ZFYVE28: variants seen among roughly 807,000 people sequenced by gnomAD.
ZFYVE28 encodes the protein lateral signaling target protein 2 homolog.
ZFYVE28 carries 40 observed loss-of-function variants against 82.1 expected under a neutral mutation model. That is an observed-to-expected ratio of 0.49 (90% CI 0.38 to 0.63). ZFYVE28 has a LOEUF of 0.63. Among genes scored for constraint, ZFYVE28 ranks in the 30% least tolerant of loss-of-function variants. The probability of loss-of-function intolerance (pLI) is 0.00; values close to 1 mark genes in which losing one functional copy is unlikely to be tolerated. For synonymous variants in ZFYVE28, 612 were observed against 546.1 expected, an observed-to-expected ratio of 1.12 and a Z score of -1.68; for missense variants, 1,321 against 1,242.1, an observed-to-expected ratio of 1.06 and a Z score of -0.96.
rs758773685 is a variant in ZFYVE28 at position 2,271,788 on chromosome 4, G to A, written c.2324-9C>T. On this transcript the variant is annotated splice_polypyrimidine_tract_variant and intron_variant, in intron 10 of 12. Coordinates refer to ENST00000290974, the MANE Select transcript of ZFYVE28 (RefSeq NM_020972.3). ...CCGCAGAGTCTGGGTGACTAGTGGAGAAGGGGGGCCGTCGGGGTATGGTGA... is the reference window on the plus strand; with the variant it reads ...CCGCAGAGTCTGGGTGACTAGTGGAAAAGGGGGGCCGTCGGGGTATGGTGA... The A allele has an allele frequency of 8.7e-6, 14 of 1,612,470 alleles. 1 individual carries two copies. The South Asian group carries it at 1.5e-4, about 18-fold the overall frequency.
chr4:2,274,002 C>T, intron 9 of ZFYVE28, 60 bp downstream of exon 9: 1 of 1,587,098 alleles, frequency 6.3e-7, no homozygotes, highest in Non-Finnish European at 8.6e-7. Context: ...CCTGACCTCC[C>T]CTAAAGCGCA....
intron 6 of ZFYVE28, among the ~76,000 whole-genome samples, chr4:2,322,084 G>A (rs552799882): frequency 1.3e-4 from 20 of 152,350 alleles, no homozygotes; most frequent in African/African-American, 2.9e-4. Flanking sequence ...ACGCAGGGCC[G>A]TGCACTCCAC....
chr4:2,383,932 A>C (rs979435354), intron 1 of ZFYVE28, among the ~76,000 whole-genome samples: 1 of 152,208 alleles, frequency 6.6e-6, no homozygotes, highest in Admixed American at 6.5e-5. Flanking sequence ...GTCGTCACAC[A>C]GGGTCATCAC....
At chr4:2,398,390 G>A (rs1418118940) in intron 1 of ZFYVE28, among the ~76,000 whole-genome samples, 1 of 152,258 alleles carries the variant, frequency 6.6e-6, no homozygotes, top group East Asian at 1.9e-4. Context: ...GAGCTACGGA[G>A]TGGCAGCTCG....
rs770241856 is a variant in ZFYVE28, at chr4:2,320,166, C to G, written c.803+4G>C. On this transcript the variant is annotated splice_donor_region_variant and intron_variant, in intron 7 of 12. Coordinates refer to ENST00000290974, the MANE Select transcript of ZFYVE28 (RefSeq NM_020972.3). The surrounding 1 kb of genome is among the most constrained non-coding windows in gnomAD (Gnocchi z 5.1). ...TCCCCCACCTCCTCTAGCTCCATCC[C>G]CACCTTATTTTCCGCAGCAACGTGT... 4 of 1,613,844 alleles carry G rather than the reference C, an allele frequency of 2.5e-6. No individual in the cohort carries two copies. In the African/African-American group the frequency reaches 4.0e-5, roughly 16 times the overall value.
At chr4:2,401,160 T>C (rs1195100496) in intron 1 of ZFYVE28, among the ~76,000 whole-genome samples, 3 of 152,132 alleles carry the variant, frequency 2.0e-5, no homozygotes, top group Non-Finnish European at 4.4e-5. Flanking sequence ...GGGAAACATT[T>C]GCTCCATGGA....
intron 6 of ZFYVE28, among the ~76,000 whole-genome samples, chr4:2,334,389 G>A (rs1033157113): frequency 1.3e-5 from 2 of 151,938 alleles, no homozygotes; most frequent in African/African-American, 4.8e-5. Context: ...GCGCATCCTG[G>A]GGTTAAGCAC....
rs576415570 is a variant in ZFYVE28, at chr4:2,400,425, A to T, written c.39+17860T>A. Among the ~76,000 whole-genome samples the T allele has an allele frequency of 3.3e-4, 15 of 44,840 alleles. No homozygotes were observed. The East Asian group carries it at 0.011, about 33-fold the overall frequency. 29.4% of individuals were successfully genotyped at this position (44,840 alleles called of 152,430 possible). Reference sequence around the variant, plus strand: ...CAGTCTCGGCCCCTAAAATACAGGCATCTGTCCCACCGCAATTCGACAGTA... The same window carrying T: ...CAGTCTCGGCCCCTAAAATACAGGCTTCTGTCCCACCGCAATTCGACAGTA... On this transcript the variant is annotated intron_variant, in intron 1 of 12. Coordinates refer to ENST00000290974, the MANE Select transcript of ZFYVE28 (RefSeq NM_020972.3).
chr4:2,290,601 C>T (rs1420045699), intron 8 of ZFYVE28, among the ~76,000 whole-genome samples: 2 of 152,214 alleles, frequency 1.3e-5, no homozygotes, highest in South Asian at 2.1e-4. Flanking sequence ...ACCACACCTG[C>T]CCCCTGGCCC....
chr4:2,331,263 G>A (rs11248097), intron 6 of ZFYVE28, among the ~76,000 whole-genome samples: 84,813 of 151,612 alleles, frequency 0.56, 24,625 homozygotes, highest in East Asian at 0.83. Flanking sequence ...GCAGCGAGGC[G>A]GGCAGGCAGG....
intron 8 of ZFYVE28, among the ~76,000 whole-genome samples, chr4:2,303,098 G>A (rs1010770101): frequency 5.3e-5 from 8 of 152,176 alleles, no homozygotes; most frequent in African/African-American, 1.9e-4. Flanking sequence ...GGAGTGGGGA[G>A]GGACACCGGG....
Position 2,271,404 on chromosome 4 carries a change from C to T in ZFYVE28, c.2439G>A (p.Glu813=), listed in dbSNP as rs1367799453. 6.2e-7 allele frequency: 1 copy of T among 1,612,818 alleles called. No individual in the cohort carries two copies. The highest frequency in any genetic ancestry group is 8.5e-7 in the Non-Finnish European group (1 of 1,179,856). Residue 813 remains glutamate (E), a synonymous_variant, in exon 12 of 13, where the codon GAG becomes GAA. Transcript: ENST00000290974. ...AGCCACAGGCCTCGTCTGGCACCCA[C>T]TCCGGGGGGTCTGTCACAACAACAG... is the stretch of plus-strand genomic sequence containing the variant. ...TRDGDFEDPP[E]WVPDEACGFC...
At chr4:2,402,853 C>T (rs753354213) in intron 1 of ZFYVE28, among the ~76,000 whole-genome samples, 32 of 152,166 alleles carry the variant, frequency 2.1e-4, no homozygotes, top group Non-Finnish European at 3.7e-4. Flanking sequence ...TGACCCATCC[C>T]TGCAGGGCCA....
rs1419088323 is a variant in ZFYVE28, at chr4:2,271,391, C to T, written c.2452G>A (p.Glu818Lys). 4 of 1,612,742 alleles carry T rather than the reference C, an allele frequency of 2.5e-6. No homozygotes were observed. The highest frequency in any genetic ancestry group is 1.1e-5 in the South Asian group (1 of 91,050). The change falls in exon 12 of 13, where the codon GAG becomes AAG. Residue 818 changes from glutamate (E) to lysine (K), a missense_variant. Transcript: ENST00000290974. Reference sequence around the variant, plus strand: ...CACGCCGTGCAGAAGCCACAGGCCTCGTCTGGCACCCACTCCGGGGGGTCT... The same window carrying T: ...CACGCCGTGCAGAAGCCACAGGCCTTGTCTGGCACCCACTCCGGGGGGTCT... Reference protein sequence around the residue: ...FEDPPEWVPDEACGFCTACKA... With the variant: ...FEDPPEWVPDKACGFCTACKA...
Position 2,418,339 on chromosome 4 carries a change from G to GGCCGGACTCCGGGCGGCCCTC in ZFYVE28, c.-37_-17dup, listed in dbSNP as rs745702388. On this transcript the variant is annotated 5_prime_UTR_variant, in exon 1 of 13. Transcript: ENST00000290974. The surrounding 1 kb of genome is among the most constrained non-coding windows in gnomAD (Gnocchi z 4.6). Reference sequence around the variant, plus strand: ...TGTTCATCATCGCCGCGCCGGCCCTGGCCGGACTCCGGGCGGCCCTCGCCC... The same window carrying GGCCGGACTCCGGGCGGCCCTC: ...TGTTCATCATCGCCGCGCCGGCCCTGGCCGGACTCCGGGCGGCCCTCGCCGGACTCCGGGCGGCCCTCGCCC... 6.0e-6 allele frequency: 9 copies of GGCCGGACTCCGGGCGGCCCTC among 1,503,290 alleles called. No individual in the cohort carries two copies. The South Asian group carries it at 9.9e-5, about 17-fold the overall frequency. 93.1% of individuals were successfully genotyped at this position (1,503,290 alleles called of 1,614,324 possible).
intron 2 of ZFYVE28, among the ~76,000 whole-genome samples, chr4:2,344,944 G>T (rs188323962): frequency 6.6e-6 from 1 of 152,092 alleles, no homozygotes; most frequent in East Asian, 1.9e-4. Context: ...AGGCGCGGTG[G>T]CTCACGCCTG....
chr4:2,387,171 G>A (rs949974966), intron 1 of ZFYVE28, among the ~76,000 whole-genome samples: 5 of 152,174 alleles, frequency 3.3e-5, no homozygotes, highest in African/African-American at 9.7e-5. Context: ...CCCGGAGCTC[G>A]CCACCAGCGG....
chr4:2,322,669 G>A (rs1235217823), intron 6 of ZFYVE28, among the ~76,000 whole-genome samples: 3 of 152,148 alleles, frequency 2.0e-5, no homozygotes, highest in East Asian at 1.9e-4. Flanking sequence ...CTGCATTCAC[G>A]GTGCTGTGCA....
intron 1 of ZFYVE28, chr4:2,406,397 G>C (rs1236638604): frequency 6.6e-6 from 1 of 152,210 alleles, no homozygotes; most frequent in Non-Finnish European, 1.5e-5. Context: ...AAAACACTGA[G>C]AAGGGGCTGC....
Sources: gnomAD v4.1 joint callset for allele counts (sites outside exome capture counted in the v4.1 genomes callset) on GRCh38, gnomAD v4.1.1 for gene constraint, Gnocchi (gnomAD v3.1) non-coding constraint, MANE v1.5 for transcripts, NCBI Gene and HGNC (gene_info 2026-07-23, HGNC 2026-07-21) for gene names.